The following MALRD1 variants were observed in gnomAD, a reference collection of about 807,000 sequenced individuals.
The protein encoded by MALRD1 is MAM and LDL-receptor class A domain-containing protein 1.
MALRD1 carries 247 observed loss-of-function variants against 242.1 expected under a neutral mutation model. The observed-to-expected ratio is 1.02, with a 90% CI of 0.92 to 1.13. The LOEUF (loss-of-function observed/expected upper bound fraction) is 1.13, where lower values mean the gene tolerates loss of function less well. Ranked by LOEUF, MALRD1 falls within the 50% of genes most tolerant of loss-of-function variation. MALRD1 has a pLI of 0.00. For missense variants in MALRD1, 2,989 were observed against 2,533.1 expected (o/e 1.18, Z -3.86); for synonymous variants, 995 against 866.6 (o/e 1.15, Z -2.60).
intron 27 of MALRD1, 42 bp from the exon 28 acceptor site, chr10:19,389,410 A>G: frequency 1.3e-6 from 2 of 1,537,040 alleles, no homozygotes; most frequent in Non-Finnish European, 1.8e-6. Context: ...TAATCCCATC[A>G]TTGTTATTTC....
At position 19,337,190 on chromosome 10, in the gene MALRD1, T is replaced by C. The variant is rs1438707878; in HGVS notation, c.3901+5608T>C. Among the ~76,000 whole-genome samples the C allele has an allele frequency of 2.0e-5, 3 of 152,256 alleles. No homozygotes were observed. In the East Asian group the frequency reaches 5.8e-4, roughly 29 times the overall value. On this transcript the variant is annotated intron_variant, in intron 24 of 39. Transcript: ENST00000454679. ...CATACTTAACATATGTGTATATAAGTAAGCTAGACAATTTGTTAAGTAATA... is the reference window on the plus strand; with the variant it reads ...CATACTTAACATATGTGTATATAAGCAAGCTAGACAATTTGTTAAGTAATA...
At chr10:19,553,413 A>C (rs949856327) in intron 32 of MALRD1, among the ~76,000 whole-genome samples, 1 of 152,298 alleles carries the variant, frequency 6.6e-6, no homozygotes, top group African/African-American at 2.4e-5. Flanking sequence ...CTAATAACCA[A>C]TATGTCAGAA....
chr10:19,236,355 G>A (rs1838316941), intron 18 of MALRD1, among the ~76,000 whole-genome samples: 1 of 152,130 alleles, frequency 6.6e-6, no homozygotes, highest in Admixed American at 6.5e-5. Flanking sequence ...TGCTCATGTA[G>A]GTGTAACCTA....
chr10:19,699,869 G>T (rs899439194), intron 38 of MALRD1, among the ~76,000 whole-genome samples: 2 of 151,976 alleles, frequency 1.3e-5, no homozygotes, highest in Non-Finnish European at 2.9e-5. Flanking sequence ...CTGCTCCCAT[G>T]ACACAAACAC....
intron 31 of MALRD1, among the ~76,000 whole-genome samples, chr10:19,524,737 A>AG (rs1406726911): frequency 6.6e-6 from 1 of 151,766 alleles, no homozygotes; most frequent in Admixed American, 6.6e-5. Context: ...AGAAAAAAAA[A>AG]GTCTAAAACT....
intron 33 of MALRD1, among the ~76,000 whole-genome samples, chr10:19,579,165 T>C (rs560733604): frequency 6.6e-6 from 1 of 152,324 alleles, no homozygotes; most frequent in African/African-American, 2.4e-5. Flanking sequence ...CTGGAAGTTA[T>C]GGTATCACAG....
At chr10:19,608,353 G>C (rs1157430284) in intron 35 of MALRD1, among the ~76,000 whole-genome samples, 2 of 151,834 alleles carry the variant, frequency 1.3e-5, no homozygotes, top group African/African-American at 2.4e-5. Flanking sequence ...TTAAACCTTA[G>C]CTTGACTTCT....
intron 32 of MALRD1, among the ~76,000 whole-genome samples, chr10:19,546,767 G>A (rs1451062701): frequency 6.6e-6 from 1 of 152,128 alleles, no homozygotes; most frequent in Non-Finnish European, 1.5e-5. Context: ...AACTATTTCT[G>A]TAAGCTAGTA....
At chr10:19,557,007 C>T (rs1054956621) in intron 32 of MALRD1, among the ~76,000 whole-genome samples, 1 of 151,986 alleles carries the variant, frequency 6.6e-6, no homozygotes, top group Admixed American at 6.6e-5. Context: ...TTAGTGTCAT[C>T]CCATTTTTGT....
intron 19 of MALRD1, among the ~76,000 whole-genome samples, chr10:19,264,373 A>G (rs1387243884): frequency 6.6e-6 from 1 of 151,648 alleles, no homozygotes; most frequent in Admixed American, 6.6e-5. Context: ...TTCATCAGTC[A>G]TATTGGCCTG....
intron 18 of MALRD1, among the ~76,000 whole-genome samples, chr10:19,249,478 C>G (rs1291244007): frequency 6.6e-6 from 1 of 151,562 alleles, no homozygotes; most frequent in Admixed American, 6.6e-5. Flanking sequence ...AAGTGTAACA[C>G]CAACAGTTTT....
intron 32 of MALRD1, among the ~76,000 whole-genome samples, chr10:19,545,632 C>A (rs985542423): frequency 3.2e-5 from 4 of 123,786 alleles, no homozygotes; most frequent in African/African-American, 1.0e-4. Flanking sequence ...CTTTTTATTC[C>A]CTGGAATCCA....
intron 18 of MALRD1, among the ~76,000 whole-genome samples, chr10:19,246,137 C>T (rs1839034139): frequency 6.6e-6 from 1 of 152,122 alleles, no homozygotes; most frequent in Non-Finnish European, 1.5e-5. Flanking sequence ...TATTAGTTTG[C>T]TGATACTATC....
At chr10:19,337,966 G>A (rs1843682743) in intron 24 of MALRD1, among the ~76,000 whole-genome samples, 1 of 151,738 alleles carries the variant, frequency 6.6e-6, no homozygotes, top group African/African-American at 2.4e-5. Flanking sequence ...GGAGGCTGGG[G>A]CAGGGGAATT....
At chr10:19,514,923 T>G (rs2131299344) in intron 31 of MALRD1, among the ~76,000 whole-genome samples, 1 of 152,248 alleles carries the variant, frequency 6.6e-6, no homozygotes, top group South Asian at 2.1e-4. Flanking sequence ...CTTATTTTTT[T>G]GGAAGACTTA....
At chr10:19,580,803 T>C (rs1040525629) in intron 33 of MALRD1, among the ~76,000 whole-genome samples, 15 of 152,158 alleles carry the variant, frequency 9.9e-5, no homozygotes, top group African/African-American at 3.6e-4. Flanking sequence ...CTCCATTTTC[T>C]TCACTCTTGT....
chr10:19,339,905 A>G (rs866121357), intron 24 of MALRD1, among the ~76,000 whole-genome samples: 3 of 152,152 alleles, frequency 2.0e-5, no homozygotes, highest in Non-Finnish European at 4.4e-5. Flanking sequence ...GGAAACTTAC[A>G]ATCACAGTGG....
chr10:19,648,559 C>T (rs1336498243), intron 36 of MALRD1, among the ~76,000 whole-genome samples: 12 of 152,104 alleles, frequency 7.9e-5, no homozygotes. Flanking sequence ...AGAAAAACAT[C>T]AACACTTTTC....
At chr10:19,599,089 C>T (rs564324538) in intron 34 of MALRD1, among the ~76,000 whole-genome samples, 3 of 151,974 alleles carry the variant, frequency 2.0e-5, no homozygotes, top group African/African-American at 4.8e-5. Flanking sequence ...TGGGAAATGT[C>T]GAAGAGGGAA....
Sources: gnomAD v4.1 joint callset for allele counts (sites outside exome capture counted in the v4.1 genomes callset) on GRCh38, gnomAD v4.1.1 for gene constraint, MANE v1.5 for transcripts, NCBI Gene and HGNC (gene_info 2026-07-23, HGNC 2026-07-21) for gene names.